Variants in ANKRD50 observed in about 807,000 individuals in gnomAD.
The protein encoded by ANKRD50 is ankyrin repeat domain 50, also known as ankyrin repeat domain-containing protein 50.
Under a neutral mutation model 112.0 loss-of-function variants are expected in ANKRD50, and 40 were observed. The ratio of observed to expected loss-of-function variants is 0.36; its 90% CI spans 0.28 to 0.46. The LOEUF is 0.46. Among genes scored for constraint, ANKRD50 ranks in the 20% least tolerant of loss-of-function variants. The probability of loss-of-function intolerance (pLI) is 1.00; values close to 1 mark genes in which losing one functional copy is unlikely to be tolerated. For missense variants in ANKRD50, 1,487 were observed against 1,701.7 expected, an observed-to-expected ratio of 0.87 and a Z score of 2.22; for synonymous variants, 613 against 619.1, an observed-to-expected ratio of 0.99 and a Z score of 0.15.
Position 124,671,356 on chromosome 4 carries a change from C to G in ANKRD50, c.1921G>C (p.Asp641His). 1 of 1,613,898 alleles carries G rather than the reference C, an allele frequency of 6.2e-7. No homozygotes were observed. The highest frequency in any genetic ancestry group is 8.5e-7 in the Non-Finnish European group (1 of 1,179,870). ...LYAGVKVDCA[D>H]ADSRTALRAA... The stretch of plus-strand genomic sequence containing the variant: ...CTCAAAGCTGTTCGGCTATCAGCAT[C>G]TGCACAATCCACTTTTACGCCAGCA... The change falls in exon 4 of 5, where the codon GAT (aspartate) becomes CAT (histidine). Residue 641 changes from aspartate (D) to histidine (H), a missense_variant. By Grantham distance (81) the Asp-to-His change is moderately conservative. Coordinates refer to ENST00000504087, the MANE Select transcript of ANKRD50 (RefSeq NM_020337.3).
chr4:124,695,458 C>T (rs1297849894), intron 2 of ANKRD50, among the ~76,000 whole-genome samples: 1 of 152,172 alleles, frequency 6.6e-6, no homozygotes, highest in Non-Finnish European at 1.5e-5. Flanking sequence ...AAAGTGCAAA[C>T]ATGTGGTGTC....
intron 2 of ANKRD50, among the ~76,000 whole-genome samples, chr4:124,686,811 T>C (rs1424986945): frequency 6.6e-6 from 1 of 152,074 alleles, no homozygotes; most frequent in African/African-American, 2.4e-5. Context: ...ATGCCCTAAA[T>C]ACAACATATT....
Position 124,712,590 on chromosome 4 carries a change from C to G in ANKRD50, c.-896G>C. 1 of 154,018 alleles carries G rather than the reference C, an allele frequency of 6.5e-6. No homozygotes were observed. Among genetic ancestry groups the G allele is most frequent in the South Asian group, 1.8e-4 (1 of 5,634 alleles). 9.5% of individuals were successfully genotyped at this position (154,018 alleles called of 1,614,324 possible). ...CTCCAACTGCAGCCGCCTCCTCCGC[C>G]GGGCCCGGGGCACGCTCCCAGCTCC... On this transcript the variant is annotated 5_prime_UTR_variant, in exon 1 of 5. Transcript: ENST00000504087.
intron 2 of ANKRD50, among the ~76,000 whole-genome samples, chr4:124,703,864 T>A (rs1195174942): frequency 1.3e-5 from 2 of 152,142 alleles, no homozygotes; most frequent in Non-Finnish European, 2.9e-5. Flanking sequence ...GTTCTAAGTA[T>A]GCAAACAGGA....
At chr4:124,702,465 T>C (rs1725413023) in intron 2 of ANKRD50, among the ~76,000 whole-genome samples, 1 of 152,180 alleles carries the variant, frequency 6.6e-6, no homozygotes, top group African/African-American at 2.4e-5. Context: ...CAAAGTACTC[T>C]AATGCACACA....
At chr4:124,679,879 C>T (rs964738309) in intron 2 of ANKRD50, among the ~76,000 whole-genome samples, 6 of 152,182 alleles carry the variant, frequency 3.9e-5, no homozygotes, top group Non-Finnish European at 8.8e-5. Context: ...AATCTACATG[C>T]CTCCAACAGC....
At position 124,710,462 on chromosome 4, in the gene ANKRD50, A is replaced by T; in HGVS notation, c.50T>A (p.Leu17Ter). 6.2e-7 allele frequency: 1 copy of T among 1,614,046 alleles called. No homozygotes were observed. ...ACAGTAAAACTGCTTCCCTTGCAGT[A>T]AACTGGTTTGAGCCATTTTGCAGAC... ...EKVCKMAQTS[L>*]LQGKQFYCRE... Residue 17 changes from leucine (L) to a stop codon, truncating the protein, a stop_gained, in exon 2 of 5, where the codon TTA becomes TAA. Coordinates refer to ENST00000504087, the MANE Select transcript of ANKRD50 (RefSeq NM_020337.3). LOFTEE classifies it high-confidence loss of function.
At chr4:124,709,901 C>T (rs2110531228) in intron 2 of ANKRD50, 99 bp downstream of exon 2, 2 of 1,463,660 alleles carry the variant, frequency 1.4e-6, no homozygotes, top group Non-Finnish European at 1.8e-6. Context: ...TGTACAGCAC[C>T]AGTAAAAGTA....
In ANKRD50 at chr4:124,669,536, A is replaced by G; in HGVS notation, c.3741T>C (p.Asn1247=). 1 of 1,613,054 alleles carries G rather than the reference A, an allele frequency of 6.2e-7. No homozygotes were observed. The highest frequency in any genetic ancestry group is 1.1e-5 in the South Asian group (1 of 90,874). ...TCCACTCAAATTCACTACTTGGTGA[A>G]TTATGACTCTGTCCTAAGGACTGTG... The part of the protein sequence containing the change: ...STTQSLGQSH[N]SPSSEFEWSQ... Residue 1247 remains asparagine, a synonymous_variant, in exon 4 of 5, where the codon AAT becomes AAC. Coordinates refer to ENST00000504087, the MANE Select transcript of ANKRD50 (RefSeq NM_020337.3).
intron 2 of ANKRD50, among the ~76,000 whole-genome samples, chr4:124,698,705 C>A (rs1429430521): frequency 6.6e-6 from 1 of 152,106 alleles, no homozygotes; most frequent in Non-Finnish European, 1.5e-5. Context: ...CTTCCAGGGG[C>A]TACACGATGT....
At chr4:124,672,682 A>T in intron 3 of ANKRD50, 148 bp from the exon 4 acceptor site, 1 of 588,128 alleles carries the variant, frequency 1.7e-6, no homozygotes, top group Non-Finnish European at 2.7e-6. Context: ...TTAGTATGTA[A>T]ATCAGTTTTC....
In ANKRD50 at chr4:124,710,160, A is replaced by G; in HGVS notation, c.352T>C (p.Ser118Pro). ...AACCCTCCAACACACAAAGTATCAG[A>G]GTCCTGGGCTTTGCAGAAATGAAAG... ...LAFHFCKAQD[S>P]DTLCVGGFIR... Residue 118 changes from serine (S) to proline (P), a missense_variant, in exon 2 of 5, where the codon TCT (serine) becomes CCT (proline). Transcript: ENST00000504087. 1 of 1,614,220 alleles carries G rather than the reference A, an allele frequency of 6.2e-7. No individual in the cohort carries two copies. The highest frequency in any genetic ancestry group is 8.5e-7 in the Non-Finnish European group (1 of 1,180,044).
rs1318446185 is a variant in ANKRD50, at chr4:124,667,098, G to A, written c.*420C>T. 6.6e-6 allele frequency: 1 copy of A among 151,650 alleles called. No individual in the cohort carries two copies. The highest frequency in any genetic ancestry group is 1.5e-5 in the Non-Finnish European group (1 of 67,880). The allele number at this position is 151,650 out of a possible 1,614,324, so 9.4% of individuals were successfully genotyped here. ...ACTACAATGCAATGTGACTGAAACA[G>A]TATGTTTAAGTTTCTTTTGCCACAA... On this transcript the variant is annotated 3_prime_UTR_variant, in exon 5 of 5. Transcript: ENST00000504087.
intron 2 of ANKRD50, among the ~76,000 whole-genome samples, chr4:124,698,356 C>T (rs905398562): frequency 1.3e-4 from 19 of 151,074 alleles, no homozygotes; most frequent in African/African-American, 1.7e-4. Flanking sequence ...AATATACATA[C>T]GTGTGTGTGT....
chr4:124,689,274 G>T (rs1260119574), intron 2 of ANKRD50, among the ~76,000 whole-genome samples: 1 of 152,120 alleles, frequency 6.6e-6, no homozygotes, highest in African/African-American at 2.4e-5. Context: ...TTGATATACA[G>T]AACAGTGCTT....
At chr4:124,692,444 AT>A (rs1560827723) in intron 2 of ANKRD50, among the ~76,000 whole-genome samples, 1 of 152,304 alleles carries the variant, frequency 6.6e-6, no homozygotes, top group East Asian at 1.9e-4. Flanking sequence ...TACATATGTA[AT>A]GTATGTTAAT....
At chr4:124,696,729 T>C (rs964667502) in intron 2 of ANKRD50, among the ~76,000 whole-genome samples, 2 of 152,174 alleles carry the variant, frequency 1.3e-5, no homozygotes, top group African/African-American at 4.8e-5. Context: ...AGTTTTTTTG[T>C]CTTGGAGAAT....
intron 2 of ANKRD50, among the ~76,000 whole-genome samples, chr4:124,699,526 T>C (rs550692825): frequency 2.4e-4 from 37 of 152,252 alleles, no homozygotes; most frequent in African/African-American, 8.7e-4. Flanking sequence ...ATATTAATTT[T>C]AAGTGACAGT....
rs28651952 is a variant in ANKRD50 at position 124,690,947 on chromosome 4, T to C, written c.513-12042A>G. Among the ~76,000 whole-genome samples, 331 of 152,308 alleles carry C rather than the reference T, an allele frequency of 2.2e-3. 1 individual carries two copies. Among genetic ancestry groups the C allele is most frequent in the African/African-American group, 7.3e-3 (303 of 41,574 alleles). On this transcript the variant is annotated intron_variant, in intron 2 of 4. Transcript: ENST00000504087. Reference sequence around the variant, plus strand: ...TGACTCACTTATACTTTCTATTAAATAGTATAGGCATACATTAACTCAATA... The same window carrying C: ...TGACTCACTTATACTTTCTATTAAACAGTATAGGCATACATTAACTCAATA...
Sources: allele counts gnomAD v4.1 joint callset (sites outside exome capture counted in the v4.1 genomes callset), GRCh38; gene constraint gnomAD v4.1.1; transcripts MANE v1.5; gene names NCBI Gene and HGNC (gene_info 2026-07-23, HGNC 2026-07-21).